Variants in EMB observed in about 807,000 individuals in gnomAD.
EMB encodes the protein embigin, also known as embigin homolog.
In EMB, 31 loss-of-function variants were observed where a neutral mutation model predicts 41.4. That is an observed-to-expected ratio of 0.75 (90% CI 0.56 to 1.01). The LOEUF (loss-of-function observed/expected upper bound fraction) is 1.01, where lower values mean the gene tolerates loss of function less well. EMB is among the 50% of genes least tolerant of loss of function. The pLI, the probability that EMB is intolerant of heterozygous loss-of-function variation, is 0.00. For synonymous variants in EMB, 137 were observed against 140.4 expected, an observed-to-expected ratio of 0.98 and a Z score of 0.17; for missense variants, 379 against 388.3, an observed-to-expected ratio of 0.98 and a Z score of 0.20.
chr5:50,410,636 T>C (rs1194782117), intron 4 of EMB, among the ~76,000 whole-genome samples: 1 of 152,026 alleles, frequency 6.6e-6, no homozygotes, highest in East Asian at 1.9e-4. Flanking sequence ...AATAATGTGG[T>C]AGGCTGGCCT....
Position 50,405,799 on chromosome 5 carries a change from T to C in EMB, c.526A>G (p.Thr176Ala), listed in dbSNP as rs1017567890. 7.5e-6 allele frequency: 12 copies of C among 1,605,218 alleles called. No individual in the cohort carries two copies. Among genetic ancestry groups the C allele is most frequent in the East Asian group, 2.2e-5 (1 of 44,554 alleles). The change falls in exon 5 of 9, where the codon ACT (threonine) becomes GCT (alanine). Residue 176 changes from threonine to alanine, a missense_variant. By Grantham distance (58) the Thr-to-Ala change is moderately conservative. Transcript: ENST00000303221. ...TTTTGACATTTACATGTCAAGACAG[T>C]AGAATCCCCTACGTAAGAGATCAAT... The part of the protein sequence containing the change: ...KPLISYVGDS[T>A]VLTCKCQNCF...
intron 2 of EMB, among the ~76,000 whole-genome samples, chr5:50,419,899 A>C (rs1336415919): frequency 6.6e-6 from 1 of 152,218 alleles, no homozygotes; most frequent in Non-Finnish European, 1.5e-5. Flanking sequence ...CGAAGCTGGA[A>C]GTCATTATCC....
At position 50,405,748 on chromosome 5, in the gene EMB, A is replaced by G; in HGVS notation, c.577T>C (p.Tyr193His). The change falls in exon 5 of 9, where the codon TAC (tyrosine) becomes CAC (histidine). Residue 193 changes from tyrosine (Y) to histidine (H), a missense_variant. Coordinates refer to ENST00000303221, the MANE Select transcript of EMB (RefSeq NM_198449.3). ...QNCFPLNWTW[Y>H]SSNGSVKVPV... The stretch of plus-strand genomic sequence containing the variant: ...ACCTTTACACTCCCATTACTACTGT[A>G]CCAGGTCCAATTTAAAGGAAAACAA... 6.2e-7 allele frequency: 1 copy of G among 1,605,558 alleles called. No homozygotes were observed.
At chr5:50,434,239 T>C (rs368198904) in intron 1 of EMB, among the ~76,000 whole-genome samples, 2 of 152,342 alleles carry the variant, frequency 1.3e-5, no homozygotes, top group South Asian at 2.1e-4. Context: ...CGACAAAGAA[T>C]TATCCAGCGG....
intron 2 of EMB, among the ~76,000 whole-genome samples, chr5:50,415,877 C>T (rs1181511868): frequency 6.6e-6 from 1 of 152,076 alleles, no homozygotes; most frequent in Non-Finnish European, 1.5e-5. Context: ...TAGCTATATA[C>T]CAATATGAAT....
At chr5:50,428,300 A>G in intron 1 of EMB, 73 bp from the exon 2 acceptor site, 1 of 1,360,984 alleles carries the variant, frequency 7.3e-7, no homozygotes, top group South Asian at 1.3e-5. Context: ...ACTTTGAAAC[A>G]GCTAAAACAC....
At chr5:50,403,812 T>C (rs1745206267) in intron 5 of EMB, among the ~76,000 whole-genome samples, 1 of 151,946 alleles carries the variant, frequency 6.6e-6, no homozygotes, top group South Asian at 2.1e-4. Context: ...AAGTACTTTT[T>C]CCTTCACAAG....
At chr5:50,442,464 CAA>C, upstream of EMB, among the ~76,000 whole-genome samples, 1 of 152,170 alleles carries the variant, frequency 6.6e-6, no homozygotes. Flanking sequence ...CCATTGTGTT[CAA>C]AAGAGGCTAG....
chr5:50,421,463 C>T (rs1745521737), intron 2 of EMB, among the ~76,000 whole-genome samples: 1 of 152,018 alleles, frequency 6.6e-6, no homozygotes, highest in African/African-American at 2.4e-5. Flanking sequence ...TAAACTAGTT[C>T]AACCATTGTG....
chr5:50,403,084 A>G (rs1056159069), intron 6 of EMB, 94 bp downstream of exon 6: 4 of 1,198,758 alleles, frequency 3.3e-6, no homozygotes, highest in Non-Finnish European at 4.6e-6. Flanking sequence ...ATTGCAATGT[A>G]TCAAATCATA....
At chr5:50,406,881 G>A (rs1179276665) in intron 4 of EMB, among the ~76,000 whole-genome samples, 1 of 151,922 alleles carries the variant, frequency 6.6e-6, no homozygotes, top group Non-Finnish European at 1.5e-5. Flanking sequence ...AGAGATTGGA[G>A]CTTGGCTAAA....
chr5:50,441,107 G>T lies in EMB; in HGVS notation c.45C>A (p.Pro15=), dbSNP rs1745902779. The part of the protein sequence containing the change: ...PGLLEARART[P]RLLLLQCLLA... ...GAAGGCACTGGAGGAGGAGCAGCCG[G>T]GGCGTACGCGCCCTGGCCTCCAGCA... The change falls in exon 1 of 9, where the codon CCC becomes CCA. Residue 15 remains proline (P), a synonymous_variant. Transcript: ENST00000303221. The T allele has an allele frequency of 1.3e-6, 2 of 1,517,366 alleles. No individual in the cohort carries two copies. The highest frequency in any genetic ancestry group is 2.6e-5 in the East Asian group (1 of 38,908). 94.0% of individuals were successfully genotyped at this position (1,517,366 alleles called of 1,614,324 possible).
At chr5:50,399,793 T>C in intron 8 of EMB, 66 bp downstream of exon 8, 3 of 1,290,746 alleles carry the variant, frequency 2.3e-6, no homozygotes, top group Middle Eastern at 1.9e-4. Context: ...AAGTAACTGA[T>C]TGATAGATAG....
At position 50,401,496 on chromosome 5, in the gene EMB, G is replaced by A. The variant is rs1348510575; in HGVS notation, c.911+790C>T. ...AACTTTAATCTAGCCTCGTTTTCCTGGACTCCAGCCCTTGGCTCTATTGTT... is the reference window on the plus strand; with the variant it reads ...AACTTTAATCTAGCCTCGTTTTCCTAGACTCCAGCCCTTGGCTCTATTGTT... On this transcript the variant is annotated intron_variant, in intron 7 of 8. Coordinates refer to ENST00000303221, the MANE Select transcript of EMB (RefSeq NM_198449.3). 9.9e-5 allele frequency among the ~76,000 whole-genome samples: 15 copies of A among 151,952 alleles called. No homozygotes were observed. In the East Asian group the frequency reaches 2.9e-3, roughly 30 times the overall value.
intron 2 of EMB, chr5:50,411,973 A>T (rs770707923): frequency 1.3e-5 from 2 of 152,098 alleles, no homozygotes; most frequent in African/African-American, 2.4e-5. Context: ...TTTTGACTGA[A>T]TTTCAATATC....
At chr5:50,416,303 C>T (rs536789859) in intron 2 of EMB, among the ~76,000 whole-genome samples, 3 of 152,146 alleles carry the variant, frequency 2.0e-5, no homozygotes, top group Admixed American at 6.6e-5. Context: ...GTTTTTGAAA[C>T]GTATTTTCAA....
Position 50,399,088 on chromosome 5 carries a change from T to C in EMB, c.*185A>G, listed in dbSNP as rs1188822871. On this transcript the variant is annotated 3_prime_UTR_variant, in exon 9 of 9. Coordinates refer to ENST00000303221, the MANE Select transcript of EMB (RefSeq NM_198449.3). ...TTTACATTGCTTTTATGTAACATAA[T>C]TACAGAATGAAAATATACCTTTAGA... 1.5e-5 allele frequency: 10 copies of C among 663,772 alleles called. No homozygotes were observed. The highest frequency in any genetic ancestry group is 2.3e-5 in the Non-Finnish European group (10 of 430,836). 41.1% of individuals were successfully genotyped at this position (663,772 alleles called of 1,614,324 possible). A position where few individuals can be genotyped will look rare whatever the true frequency, so the allele number is the denominator to read the frequency against.
At position 50,396,604 on chromosome 5, in the gene EMB, G is replaced by A. The variant is rs1745070013; in HGVS notation, c.*2669C>T. 1 of 152,136 alleles carries A rather than the reference G, an allele frequency of 6.6e-6. No homozygotes were observed. The highest frequency in any genetic ancestry group is 6.6e-5 in the Admixed American group (1 of 15,246). The allele number at this position is 152,136 out of a possible 1,614,324, so 9.4% of individuals were successfully genotyped here. On this transcript the variant is annotated 3_prime_UTR_variant, in exon 9 of 9. Coordinates refer to ENST00000303221, the MANE Select transcript of EMB (RefSeq NM_198449.3). The stretch of plus-strand genomic sequence containing the variant: ...CACTTTCTGAGCGGAATCTCCATGT[G>A]CCAAGTCTAGTTCAAGAGACTGGAT...
rs1201892271 is a variant in EMB at position 50,405,845 on chromosome 5, T to C, written c.480A>G (p.Glu160=). 4 of 1,583,518 alleles carry C rather than the reference T, an allele frequency of 2.5e-6. No homozygotes were observed. The highest frequency in any genetic ancestry group is 1.9e-5 in the Admixed American group (1 of 52,590). Residue 160 remains glutamate, a synonymous_variant, in exon 5 of 9, where the codon GAA becomes GAG. Transcript: ENST00000303221. ...QRGTFNFKVP[E]LHGKNKPLIS... Reference sequence around the variant, plus strand: ...TCAATGGCTTGTTTTTCCCATGAAGTTCAGGGACTGAGAATAAAATAGAGA... The same window carrying C: ...TCAATGGCTTGTTTTTCCCATGAAGCTCAGGGACTGAGAATAAAATAGAGA...
Sources: gnomAD v4.1 joint callset for allele counts (sites outside exome capture counted in the v4.1 genomes callset) on GRCh38, gnomAD v4.1.1 for gene constraint, MANE v1.5 for transcripts, NCBI Gene and HGNC (gene_info 2026-07-23, HGNC 2026-07-21) for gene names.